Variants in ITFG1 observed in about 807,000 individuals in gnomAD.
The protein encoded by ITFG1 is T-cell immunomodulatory protein.
In ITFG1, 34 loss-of-function variants were observed where a neutral mutation model predicts 81.8. That is an observed-to-expected ratio of 0.42 (90% confidence interval 0.32 to 0.55). ITFG1 has a LOEUF of 0.55. Among genes scored for constraint, ITFG1 ranks in the 20% least tolerant of loss-of-function variants. ITFG1 has a pLI of 0.17. For missense variants in ITFG1, 672 were observed against 755.4 expected, an observed-to-expected ratio of 0.89 and a Z score of 1.29; for synonymous variants, 285 against 270.6, an observed-to-expected ratio of 1.05 and a Z score of -0.52.
Position 47,451,435 on chromosome 16 carries a change from A to G in ITFG1, c.521T>C (p.Ile174Thr). ...NGDLIPDIFG[I>T]TNESNQPQIL... is the part of the protein sequence containing the mutation. Reference sequence around the variant, plus strand: ...CTGTGGCTGGTTGGATTCATTTGTGATACCAAAAATATCAGGAATTAGATC... The same window carrying G: ...CTGTGGCTGGTTGGATTCATTTGTGGTACCAAAAATATCAGGAATTAGATC... The change falls in exon 5 of 18, where the codon ATC becomes ACC. Residue 174 changes from isoleucine (I) to threonine (T), a missense_variant. Transcript: ENST00000320640. 6.3e-7 allele frequency: 1 copy of G among 1,586,826 alleles called. No homozygotes were observed. Among genetic ancestry groups the G allele is most frequent in the Non-Finnish European group, 8.7e-7 (1 of 1,156,032 alleles).
At chr16:47,370,746 T>C (rs1164976179) in intron 7 of ITFG1, among the ~76,000 whole-genome samples, 1 of 152,142 alleles carries the variant, frequency 6.6e-6, no homozygotes, top group African/African-American at 2.4e-5. Context: ...GGGTGTGAGA[T>C]TAGGACTGGT....
chr16:47,328,447 T>G (rs1450179050), intron 8 of ITFG1, among the ~76,000 whole-genome samples: 1 of 152,082 alleles, frequency 6.6e-6, no homozygotes, highest in Non-Finnish European at 1.5e-5. Context: ...ATTGTGCATA[T>G]GTACCCTAAA....
At chr16:47,270,299 A>G (rs1242921179) in intron 10 of ITFG1, among the ~76,000 whole-genome samples, 1 of 152,220 alleles carries the variant, frequency 6.6e-6, no homozygotes, top group Admixed American at 6.5e-5. Context: ...ATATTTGCAA[A>G]TGACATATCC....
intron 10 of ITFG1, among the ~76,000 whole-genome samples, chr16:47,268,310 T>C (rs1407240777): frequency 6.6e-6 from 1 of 152,176 alleles, no homozygotes; most frequent in African/African-American, 2.4e-5. Context: ...ACGAATTCCC[T>C]GGAAGTCACA....
intron 10 of ITFG1, among the ~76,000 whole-genome samples, chr16:47,291,903 C>CT (rs1279770460): frequency 2.0e-5 from 3 of 152,010 alleles, no homozygotes; most frequent in African/African-American, 7.2e-5. Context: ...TTTTGTCACA[C>CT]TGAGTTTCCG....
At chr16:47,375,553 A>T (rs1968313456) in intron 7 of ITFG1, among the ~76,000 whole-genome samples, 1 of 152,196 alleles carries the variant, frequency 6.6e-6, no homozygotes, top group Non-Finnish European at 1.5e-5. Flanking sequence ...TTTTTCATAA[A>T]CCATCATGCT....
At chr16:47,183,028 GGTCACTC>G (rs1171240847) in intron 14 of ITFG1, among the ~76,000 whole-genome samples, 6 of 152,128 alleles carry the variant, frequency 3.9e-5, no homozygotes, top group Non-Finnish European at 7.4e-5. Flanking sequence ...TGGAAAATCG[GGTCACTC>G]CCACCCGAAT....
intron 2 of ITFG1, among the ~76,000 whole-genome samples, chr16:47,455,757 A>G (rs1242947103): frequency 3.5e-5 from 5 of 143,418 alleles, no homozygotes; most frequent in African/African-American, 5.3e-5. Flanking sequence ...TGGGCAACAG[A>G]GCAAGACTCC....
chr16:47,409,476 C>T (rs1447658622), intron 6 of ITFG1, among the ~76,000 whole-genome samples: 1 of 119,974 alleles, frequency 8.3e-6, no homozygotes, highest in African/African-American at 3.2e-5. Context: ...CGTGCAGTGG[C>T]ACGATCTCGG....
At chr16:47,405,403 C>T (rs558733839) in intron 6 of ITFG1, among the ~76,000 whole-genome samples, 2 of 152,238 alleles carry the variant, frequency 1.3e-5, no homozygotes, top group Admixed American at 1.3e-4. Context: ...ATGAATAGAA[C>T]ATTTTATTTT....
intron 8 of ITFG1, among the ~76,000 whole-genome samples, chr16:47,341,376 G>A (rs1211489287): frequency 2.1e-5 from 3 of 145,622 alleles, no homozygotes; most frequent in Non-Finnish European, 4.5e-5. Context: ...AGTTGGAGAT[G>A]CAGTGAGCTA....
At chr16:47,180,946 C>G (rs951272036) in intron 14 of ITFG1, among the ~76,000 whole-genome samples, 3 of 151,642 alleles carry the variant, frequency 2.0e-5, no homozygotes, top group African/African-American at 7.3e-5. Context: ...AGGAGCGTCT[C>G]TGCCCGGCCG....
chr16:47,265,844 T>C (rs1053694483), intron 10 of ITFG1, among the ~76,000 whole-genome samples: 4 of 152,138 alleles, frequency 2.6e-5, no homozygotes, highest in East Asian at 1.9e-4. Flanking sequence ...GACTCAACTA[T>C]ATATTGCCTC....
rs553820480 is a variant in ITFG1 at position 47,349,627 on chromosome 16, A to C, written c.802+16161T>G. On this transcript the variant is annotated intron_variant, in intron 8 of 17. Coordinates refer to ENST00000320640, the MANE Select transcript of ITFG1 (RefSeq NM_030790.5). ...ATAATAATGGGAGACTTTAACACCC[A>C]ACTGTCAATGTTAAACAGATCAATG... 3.2e-4 allele frequency among the ~76,000 whole-genome samples: 48 copies of C among 152,212 alleles called. No homozygotes were observed. In the South Asian group the frequency reaches 8.5e-3, roughly 27 times the overall value.
At chr16:47,296,117 C>T (rs1465502969) in intron 10 of ITFG1, among the ~76,000 whole-genome samples, 1 of 147,792 alleles carries the variant, frequency 6.8e-6, no homozygotes, top group Non-Finnish European at 1.5e-5. Context: ...TTAAATTGTT[C>T]GTAGAGGTAG....
intron 6 of ITFG1, among the ~76,000 whole-genome samples, chr16:47,386,668 C>T (rs1756379399): frequency 6.6e-6 from 1 of 152,214 alleles, no homozygotes; most frequent in South Asian, 2.1e-4. Flanking sequence ...GAAGCTACCA[C>T]TCCAATGCAG....
chr16:47,329,735 C>G (rs1967612079), intron 8 of ITFG1, among the ~76,000 whole-genome samples: 1 of 151,080 alleles, frequency 6.6e-6, no homozygotes, highest in African/African-American at 2.5e-5. Context: ...CTCCATTTAA[C>G]AGAAGGAGAA....
At chr16:47,307,093 CAA>C (rs371103697) in intron 10 of ITFG1, among the ~76,000 whole-genome samples, 38 of 16,452 alleles carry the variant, frequency 2.3e-3, no homozygotes, top group Non-Finnish European at 2.5e-3. Context: ...AACTCCGTCT[CAA>C]AAAAAAAAAA....
intron 12 of ITFG1, among the ~76,000 whole-genome samples, chr16:47,239,749 A>G (rs1254455729): frequency 6.6e-6 from 1 of 152,092 alleles, no homozygotes; most frequent in African/African-American, 2.4e-5. Flanking sequence ...TATTATGAAA[A>G]CCCTAACTTC....
Sources: gnomAD v4.1 joint callset for allele counts (sites outside exome capture counted in the v4.1 genomes callset) on GRCh38, gnomAD v4.1.1 for gene constraint, MANE v1.5 for transcripts, NCBI Gene and HGNC (gene_info 2026-07-23, HGNC 2026-07-21) for gene names.